CSF1R: variants seen among roughly 807,000 people sequenced by gnomAD.
CSF1R encodes the protein colony stimulating factor 1 receptor.
Under a neutral mutation model 110.0 loss-of-function variants are expected in CSF1R, and 40 were observed. The ratio of observed to expected loss-of-function variants is 0.36; its 90% CI spans 0.28 to 0.47. The LOEUF (loss-of-function observed/expected upper bound fraction) is 0.47, where lower values mean the gene tolerates loss of function less well. CSF1R is among the 20% of genes least tolerant of loss of function. CSF1R has a pLI of 0.99. For missense variants in CSF1R, 1,052 were observed against 1,253.0 expected, an observed-to-expected ratio of 0.84 and a Z score of 2.42; for synonymous variants, 523 against 503.4, an observed-to-expected ratio of 1.04 and a Z score of -0.52.
intron 1 of CSF1R, among the ~76,000 whole-genome samples, chr5:150,099,676 CAGAT>C (rs1759337963): frequency 2.4e-5 from 3 of 124,010 alleles, no homozygotes; most frequent in South Asian, 2.5e-4. Flanking sequence ...CTCTTGTAAA[CAGAT>C]AGAAAATAGA....
rs749750902 is a variant in CSF1R, at chr5:150,069,874, T to G, written c.1509A>C (p.Ala503=). ...GCGGGTGCGAAGGCTCCCTCTCACC[T>G]GCAGAGATGGGTATGAAGGCCCAGG... ...SGSWAFIPIS[A]GAHTHPPDEF... is the part of the protein sequence containing the mutation. The change falls in exon 9 of 21, where the codon GCA becomes GCC. Residue 503 remains alanine, a splice_region_variant and synonymous_variant. Transcript: ENST00000675795. 8 of 1,607,456 alleles carry G rather than the reference T, an allele frequency of 5.0e-6. No homozygotes were observed. The highest frequency in any genetic ancestry group is 3.5e-4 in the Middle Eastern group (2 of 5,642).
intron 1 of CSF1R, among the ~76,000 whole-genome samples, chr5:150,104,865 T>C (rs1369454702): frequency 6.6e-6 from 1 of 151,894 alleles, no homozygotes; most frequent in Non-Finnish European, 1.5e-5. Flanking sequence ...GCCTAATCCT[T>C]ACTCTTTTGT....
rs2113790399 is a variant in CSF1R, at chr5:150,060,990, A to G, written c.1859-18T>C. 6.4e-7 allele frequency: 1 copy of G among 1,554,908 alleles called. No homozygotes were observed. Among genetic ancestry groups the G allele is most frequent in the Non-Finnish European group, 8.8e-7 (1 of 1,139,452 alleles). On this transcript the variant is annotated intron_variant, in intron 12 of 20. Transcript: ENST00000675795. ...GGCCGTGGCTGGGAGGAAGAACCAC[A>G]GTCCCAAAGACAGGGAGAGGGCAGG...
rs549775847 is a variant in CSF1R, at chr5:150,054,345, C to T, written c.2740G>A (p.Ala914Thr). 16 of 1,614,104 alleles carry T rather than the reference C, an allele frequency of 9.9e-6. No homozygotes were observed. Among genetic ancestry groups the T allele is most frequent in the African/African-American group, 6.7e-5 (5 of 75,028 alleles). The change falls in exon 20 of 21, where the codon GCC becomes ACC. Residue 914 changes from alanine (A) to threonine (T), a missense_variant. Coordinates refer to ENST00000675795, the MANE Select transcript of CSF1R (RefSeq NM_001288705.3). ...QQICSFLQEQ[A>T]QEDRRERDYT... The stretch of plus-strand genomic sequence containing the variant: ...ACCCGCTCTCTCCTGTCCTCTTGGG[C>T]CTGCTCCTGAAGGAAGGAGCAGATC...
At chr5:150,095,276 C>T (rs1426450755) in intron 1 of CSF1R, among the ~76,000 whole-genome samples, 3 of 152,044 alleles carry the variant, frequency 2.0e-5, no homozygotes, top group African/African-American at 7.2e-5. Context: ...TGAATAAAAT[C>T]GTAAATGATT....
intron 1 of CSF1R, among the ~76,000 whole-genome samples, chr5:150,083,893 C>T (rs570224374): frequency 1.3e-5 from 2 of 152,212 alleles, no homozygotes; most frequent in South Asian, 4.2e-4. Context: ...TGTGGATTAC[C>T]ACAACCTCCC....
Position 150,080,228 on chromosome 5 carries a change from G to A in CSF1R, c.416C>T (p.Ser139Leu), listed in dbSNP as rs569441099. Residue 139 changes from serine (S) to leucine (L), a missense_variant, in exon 3 of 21, where the codon TCG (serine) becomes TTG (leucine). Physicochemically the swap from Ser to Leu is moderately radical, Grantham distance 145. Coordinates refer to ENST00000675795, the MANE Select transcript of CSF1R (RefSeq NM_001288705.3). ...LTDPVLEAGV[S>L]LVRVRGRPLM... ...GGGCCGGCCACGCACACGCACCAGC[G>A]AGACGCCTGCTTCCAGCACCGGGTC... 1.1e-5 allele frequency: 18 copies of A among 1,613,852 alleles called. No individual in the cohort carries two copies. The East Asian group carries it at 1.8e-4, about 16-fold the overall frequency.
At chr5:150,065,160 C>T (rs1006087625) in intron 10 of CSF1R, among the ~76,000 whole-genome samples, 3 of 152,220 alleles carry the variant, frequency 2.0e-5, no homozygotes, top group Non-Finnish European at 4.4e-5. Flanking sequence ...TCCCATCCTC[C>T]CCACCAAAGG....
rs755226899 is a variant in CSF1R, at chr5:150,070,162, G to A, written c.1319+20C>T. Reference sequence around the variant, plus strand: ...CCAGCCCCTGAGCCCAGGTGAGGGAGGTGAGTGGAGCCCACTTACCTATCA... The same window carrying A: ...CCAGCCCCTGAGCCCAGGTGAGGGAAGTGAGTGGAGCCCACTTACCTATCA... On this transcript the variant is annotated intron_variant, in intron 8 of 20. Coordinates refer to ENST00000675795, the MANE Select transcript of CSF1R (RefSeq NM_001288705.3). 13 of 1,612,208 alleles carry A rather than the reference G, an allele frequency of 8.1e-6. 1 individual carries two copies. The East Asian group carries it at 8.9e-5, about 11-fold the overall frequency.
intron 5 of CSF1R, among the ~76,000 whole-genome samples, chr5:150,074,426 G>A (rs950161220): frequency 6.6e-6 from 1 of 150,568 alleles, no homozygotes; most frequent in Non-Finnish European, 1.5e-5. Flanking sequence ...TCCGGCCTCA[G>A]CCTCCCGAGT....
chr5:150,111,676 T>A (rs1759722375), intron 1 of CSF1R, among the ~76,000 whole-genome samples: 1 of 151,966 alleles, frequency 6.6e-6, no homozygotes, highest in Non-Finnish European at 1.5e-5. Flanking sequence ...GACTTGGGAG[T>A]CAGTCTGACC....
chr5:150,055,371 C>T, intron 18 of CSF1R, 35 bp from the exon 19 acceptor site: 1 of 1,568,388 alleles, frequency 6.4e-7, no homozygotes, highest in East Asian at 2.2e-5. Context: ...AGGCCATGCC[C>T]ATTGTCTTCT....
chr5:150,068,118 G>A (rs1168219921), intron 10 of CSF1R, 97 bp downstream of exon 10: 2 of 903,060 alleles, frequency 2.2e-6, no homozygotes, highest in African/African-American at 3.3e-5. Flanking sequence ...CTGATGGACT[G>A]ACTGAGGAGG....
chr5:150,107,392 G>T (rs1035120497), intron 1 of CSF1R, among the ~76,000 whole-genome samples: 1 of 152,116 alleles, frequency 6.6e-6, no homozygotes, highest in African/African-American at 2.4e-5. Flanking sequence ...ATTAACACAG[G>T]GGCATGAAGA....
intron 14 of CSF1R, chr5:150,058,225 G>A (rs1168258711): frequency 2.2e-6 from 1 of 456,268 alleles, no homozygotes. Context: ...GCAGGCCTGG[G>A]TGGATGGGCC....
chr5:150,055,888 G>A (rs2113777604), intron 18 of CSF1R, 138 bp downstream of exon 18: 1 of 716,980 alleles, frequency 1.4e-6, no homozygotes, highest in Non-Finnish European at 2.3e-6. Context: ...CCACGATGCT[G>A]GGTTTCGAGA....
intron 6 of CSF1R, among the ~76,000 whole-genome samples, chr5:150,072,387 G>A (rs569393028): frequency 2.6e-5 from 4 of 152,136 alleles, no homozygotes; most frequent in South Asian, 2.1e-4. Flanking sequence ...CCAGCTACTC[G>A]GGAGGCTGAG....
chr5:150,065,722 T>A (rs1757738304), intron 10 of CSF1R, among the ~76,000 whole-genome samples: 1 of 151,912 alleles, frequency 6.6e-6, no homozygotes, highest in African/African-American at 2.4e-5. Flanking sequence ...TGTGAATGGG[T>A]GTAGGGGAGG....
At chr5:150,084,139 C>T (rs1468719874) in intron 1 of CSF1R, among the ~76,000 whole-genome samples, 2 of 151,830 alleles carry the variant, frequency 1.3e-5, no homozygotes, top group African/African-American at 4.8e-5. Context: ...GAGTTCGAGA[C>T]CAGCATGGCC....
Sources: allele counts gnomAD v4.1 joint callset (sites outside exome capture counted in the v4.1 genomes callset), GRCh38; gene constraint gnomAD v4.1.1; transcripts MANE v1.5; gene names NCBI Gene and HGNC (gene_info 2026-07-23, HGNC 2026-07-21).